C17orf67: variants seen among roughly 807,000 people sequenced by gnomAD.
The protein encoded by C17orf67 is uncharacterized protein C17orf67.
A neutral mutation model predicts 11.2 loss-of-function variants in C17orf67; 12 were observed. The ratio of observed to expected loss-of-function variants is 1.07; its 90% CI spans 0.68 to 1.73. C17orf67 has a LOEUF of 1.73. C17orf67 is among the 40% of genes most tolerant of loss of function. C17orf67 has a pLI of 0.00. For missense variants in C17orf67, 115 were observed against 113.5 expected (o/e 1.01, Z -0.06); for synonymous variants, 59 against 46.9 (o/e 1.26, Z -1.05).
At chr17:56,824,203 T>C (rs1337821684) in intron 4 of C17orf67, among the ~76,000 whole-genome samples, 6 of 152,210 alleles carry the variant, frequency 3.9e-5, no homozygotes, top group Non-Finnish European at 7.3e-5. Context: ...AGGAGTGAGT[T>C]AGTTCTCCTG....
intron 6 of C17orf67, among the ~76,000 whole-genome samples, chr17:56,797,039 C>T (rs2144111718): frequency 6.6e-6 from 1 of 152,240 alleles, no homozygotes; most frequent in Non-Finnish European, 1.5e-5. Flanking sequence ...CCCTCCTTCC[C>T]CCACTCCTCC....
chr17:56,811,188 A>G (rs1471866429), intron 6 of C17orf67, among the ~76,000 whole-genome samples: 1 of 152,218 alleles, frequency 6.6e-6, no homozygotes, highest in Non-Finnish European at 1.5e-5. Context: ...GCCCTACAAT[A>G]TGAGACCTGG....
intron 6 of C17orf67, 50 bp downstream of exon 6, chr17:56,814,819 G>T: frequency 6.5e-7 from 1 of 1,540,804 alleles, no homozygotes; most frequent in Non-Finnish European, 9.0e-7. Context: ...ATAGTGAATG[G>T]CATTCAAATG....
At chr17:56,793,993 CCA>C (rs1905163175) in intron 7 of C17orf67, among the ~76,000 whole-genome samples, 5 of 151,982 alleles carry the variant, frequency 3.3e-5, no homozygotes, top group South Asian at 2.1e-4. Context: ...GATTTCATGC[CCA>C]CACACACACA....
intron 4 of C17orf67, among the ~76,000 whole-genome samples, chr17:56,822,627 T>C (rs757504436): frequency 6.6e-6 from 1 of 152,238 alleles, no homozygotes; most frequent in Non-Finnish European, 1.5e-5. Flanking sequence ...CCAAATCTCT[T>C]TGCATATGCA....
At chr17:56,820,530 C>T (rs1905875502) in intron 4 of C17orf67, among the ~76,000 whole-genome samples, 1 of 152,132 alleles carries the variant, frequency 6.6e-6, no homozygotes, top group Admixed American at 6.5e-5. Context: ...CCGAAGTACC[C>T]AGAGAAAACC....
chr17:56,827,449 G>T (rs1270193513), intron 2 of C17orf67, among the ~76,000 whole-genome samples: 1 of 152,196 alleles, frequency 6.6e-6, no homozygotes, highest in Non-Finnish European at 1.5e-5. Context: ...AGGTTATCAG[G>T]CCTCTTCCCT....
Position 56,833,150 on chromosome 17 carries a change from G to A in C17orf67, c.-809C>T, listed in dbSNP as rs1018642277. ...AGGAAGGAAGCCGCTGAGTGCAGCTGTGCGCGCCGGGGCGGTGCCTGTGCC... is the reference window on the plus strand; with the variant it reads ...AGGAAGGAAGCCGCTGAGTGCAGCTATGCGCGCCGGGGCGGTGCCTGTGCC... On this transcript the variant is annotated 5_prime_UTR_variant, in exon 2 of 8. Coordinates refer to ENST00000397861, the MANE Select transcript of C17orf67 (RefSeq NM_001085430.4). 5 of 152,494 alleles carry A rather than the reference G, an allele frequency of 3.3e-5. No homozygotes were observed. Among genetic ancestry groups the A allele is most frequent in the Admixed American group, 3.3e-4 (5 of 15,282 alleles). 9.4% of individuals were successfully genotyped at this position (152,494 alleles called of 1,614,324 possible). A position where few individuals can be genotyped will look rare whatever the true frequency, so the allele number is the denominator to read the frequency against.
intron 2 of C17orf67, among the ~76,000 whole-genome samples, chr17:56,828,018 A>G (rs555077769): frequency 4.4e-4 from 67 of 151,600 alleles, no homozygotes; most frequent in African/African-American, 1.3e-3. Context: ...CATCCCAGCC[A>G]ATATGGTGAA....
At chr17:56,810,179 T>C (rs1905581827) in intron 6 of C17orf67, among the ~76,000 whole-genome samples, 1 of 106,960 alleles carries the variant, frequency 9.3e-6, no homozygotes, top group South Asian at 3.6e-4. Context: ...ACACACTCCT[T>C]GAACACACCC....
chr17:56,827,418 C>A (rs1413626508), intron 2 of C17orf67, among the ~76,000 whole-genome samples: 1 of 152,216 alleles, frequency 6.6e-6, no homozygotes, highest in Non-Finnish European at 1.5e-5. Flanking sequence ...GTGGCAGCAC[C>A]TTGGAGCTTC....
At chr17:56,831,199 G>C (rs553631347) in intron 2 of C17orf67, among the ~76,000 whole-genome samples, 1 of 152,136 alleles carries the variant, frequency 6.6e-6, no homozygotes. Context: ...GACCAGGGGA[G>C]TAGTGGAGGG....
At chr17:56,808,719 C>T (rs1038424883) in intron 6 of C17orf67, among the ~76,000 whole-genome samples, 12 of 152,210 alleles carry the variant, frequency 7.9e-5, no homozygotes, top group African/African-American at 2.7e-4. Context: ...TTTGTGTGCA[C>T]GGGCACAGCT....
chr17:56,824,023 T>C (rs931330939), intron 4 of C17orf67, among the ~76,000 whole-genome samples: 7 of 152,256 alleles, frequency 4.6e-5, no homozygotes, highest in East Asian at 1.9e-4. Flanking sequence ...ATGACTGCTA[T>C]GATTGGAGTG....
At chr17:56,796,665 C>T (rs1270280082) in intron 6 of C17orf67, among the ~76,000 whole-genome samples, 5 of 152,164 alleles carry the variant, frequency 3.3e-5, no homozygotes, top group Admixed American at 6.5e-5. Context: ...AGCATCGGGA[C>T]GTTGAGGCTA....
At chr17:56,815,689 A>G (rs975541906) in intron 5 of C17orf67, 67 bp downstream of exon 5, 3 of 1,326,106 alleles carry the variant, frequency 2.3e-6, no homozygotes, top group Non-Finnish European at 3.0e-6. Context: ...TAAAAAATTA[A>G]ATATCAAATA....
intron 2 of C17orf67, among the ~76,000 whole-genome samples, chr17:56,825,609 A>G (rs1029522304): frequency 6.6e-6 from 1 of 152,256 alleles, no homozygotes; most frequent in Non-Finnish European, 1.5e-5. Flanking sequence ...GGAATTATTT[A>G]TAATAGCAAA....
intron 6 of C17orf67, among the ~76,000 whole-genome samples, chr17:56,813,323 G>T (rs962103117): frequency 7.8e-6 from 1 of 127,814 alleles, no homozygotes; most frequent in Non-Finnish European, 1.6e-5. Flanking sequence ...ATGCCTCCCC[G>T]CCTTGCTCTG....
chr17:56,816,848 G>T (rs1169197357), intron 4 of C17orf67, among the ~76,000 whole-genome samples: 1 of 152,064 alleles, frequency 6.6e-6, no homozygotes, highest in African/African-American at 2.4e-5. Flanking sequence ...GTTTGGTTTG[G>T]CTTGGTTTGG....
Sources: allele counts gnomAD v4.1 joint callset (sites outside exome capture counted in the v4.1 genomes callset), GRCh38; gene constraint gnomAD v4.1.1; transcripts MANE v1.5; gene names NCBI Gene and HGNC (gene_info 2026-07-23, HGNC 2026-07-21).